The following CATSPERE variants were observed in gnomAD, a reference collection of about 807,000 sequenced individuals.
The protein encoded by CATSPERE is catsper channel auxiliary subunit epsilon.
Under a neutral mutation model 114.1 loss-of-function variants are expected in CATSPERE, and 93 were observed. That is an observed-to-expected ratio of 0.81 (90% CI 0.69 to 0.97). The LOEUF (loss-of-function observed/expected upper bound fraction) is 0.97, where lower values mean the gene tolerates loss of function less well. Among genes scored for constraint, CATSPERE ranks in the 50% least tolerant of loss-of-function variants. The probability of loss-of-function intolerance (pLI) is 0.00; values close to 1 mark genes in which losing one functional copy is unlikely to be tolerated. For missense variants in CATSPERE, 1,058 were observed against 1,131.6 expected, an observed-to-expected ratio of 0.93 and a Z score of 0.93; for synonymous variants, 341 against 384.1, an observed-to-expected ratio of 0.89 and a Z score of 1.31.
Position 244,572,781 on chromosome 1 carries a change from A to G in CATSPERE, c.1950+9A>G. On this transcript the variant is annotated intron_variant, in intron 11 of 21. Coordinates refer to ENST00000366534, the MANE Select transcript of CATSPERE (RefSeq NM_001130957.2). ...ACTGCACCAAAACTCTGGTAAGCTA[A>G]TATTTTAAATTTCTTCATTTGATTT... 4 of 1,517,078 alleles carry G rather than the reference A, an allele frequency of 2.6e-6. No homozygotes were observed. The highest frequency in any genetic ancestry group is 2.7e-6 in the Non-Finnish European group (3 of 1,126,592). 94.0% of individuals were successfully genotyped at this position (1,517,078 alleles called of 1,614,324 possible).
In CATSPERE at chr1:244,568,236, C is replaced by T. The variant is rs1457495163; in HGVS notation, c.1508-4094C>T. Among the ~76,000 whole-genome samples the T allele has an allele frequency of 6.6e-6, 1 of 152,088 alleles. No individual in the cohort carries two copies. Among genetic ancestry groups the T allele is most frequent in the East Asian group, 1.9e-4 (1 of 5,172 alleles). On this transcript the variant is annotated intron_variant, in intron 10 of 21. Coordinates refer to ENST00000366534, the MANE Select transcript of CATSPERE (RefSeq NM_001130957.2). This position sits in a 1 kb window ranked among gnomAD's most constrained non-coding sequence, Gnocchi z 4.4. The stretch of plus-strand genomic sequence containing the variant: ...GGAAGCTTTGTCCCAGAGGGGCACC[C>T]GCCAGATGCCAGCCAGAGCTCTTCT...
At chr1:244,551,881 G>A (rs978627901) in intron 8 of CATSPERE, among the ~76,000 whole-genome samples, 19 of 151,750 alleles carry the variant, frequency 1.3e-4, no homozygotes, top group African/African-American at 3.1e-4. Flanking sequence ...TGGCTAACAC[G>A]GTGAAACCCC....
intron 8 of CATSPERE, among the ~76,000 whole-genome samples, chr1:244,536,940 T>C (rs895766619): frequency 6.6e-6 from 1 of 152,174 alleles, no homozygotes; most frequent in Non-Finnish European, 1.5e-5. Flanking sequence ...CAGGAGTTTT[T>C]TTTTTTTCTG....
intron 7 of CATSPERE, among the ~76,000 whole-genome samples, chr1:244,510,847 T>C (rs867403327): frequency 7.6e-6 from 1 of 132,004 alleles, no homozygotes; most frequent in African/African-American, 3.4e-5. Context: ...TTTTTTTTTT[T>C]TTTTTTTTTT....
intron 2 of CATSPERE, among the ~76,000 whole-genome samples, chr1:244,471,919 A>T (rs544992950): frequency 6.6e-6 from 1 of 152,230 alleles, no homozygotes; most frequent in East Asian, 1.9e-4. Flanking sequence ...TAAGGCAATG[A>T]TATGTTTATA....
intron 10 of CATSPERE, among the ~76,000 whole-genome samples, chr1:244,562,213 A>G (rs374124354): frequency 3.4e-4 from 52 of 151,882 alleles, no homozygotes; most frequent in African/African-American, 1.2e-3. Flanking sequence ...ACAAGCAAAT[A>G]CTAAATATAA....
chr1:244,588,151 A>T (rs183466440), intron 13 of CATSPERE, among the ~76,000 whole-genome samples: 2 of 147,422 alleles, frequency 1.4e-5, no homozygotes, highest in Non-Finnish European at 3.0e-5. Flanking sequence ...CTGAGATCGC[A>T]CCACTGCACT....
intron 10 of CATSPERE, among the ~76,000 whole-genome samples, chr1:244,563,322 T>A (rs760056605): frequency 2.0e-4 from 30 of 152,238 alleles, no homozygotes; most frequent in Non-Finnish European, 3.7e-4. Context: ...TAGTTCTAGA[T>A]CCTTGAGCAG....
chr1:244,479,096 GT>G (rs1358780161), intron 4 of CATSPERE, among the ~76,000 whole-genome samples: 1 of 127,026 alleles, frequency 7.9e-6, no homozygotes, highest in South Asian at 2.9e-4. Context: ...TTTGTTTTTT[GT>G]TTTTTTTCCC....
At chr1:244,634,546 G>A (rs1674370720) in intron 20 of CATSPERE, among the ~76,000 whole-genome samples, 1 of 152,194 alleles carries the variant, frequency 6.6e-6, no homozygotes, top group African/African-American at 2.4e-5. Flanking sequence ...AATAATGAGA[G>A]ACATTCTGTA....
At chr1:244,464,369 CT>C (rs1667265461) in intron 2 of CATSPERE, among the ~76,000 whole-genome samples, 1 of 152,176 alleles carries the variant, frequency 6.6e-6, no homozygotes, top group Non-Finnish European at 1.5e-5. Flanking sequence ...ACACTTTCTA[CT>C]TCATTTCTTC....
Position 244,527,644 on chromosome 1 carries a change from C to T in CATSPERE, c.536+8946C>T, listed in dbSNP as rs9428609. On this transcript the variant is annotated intron_variant, in intron 8 of 21. Transcript: ENST00000366534. ...AAAGACAGGGATAGGAAATCACAAG[C>T]GTATTGATTGGGAAAGTGATGTGTC... Among the ~76,000 whole-genome samples the T allele has an allele frequency of 7.2e-3, 1,100 of 152,170 alleles. 14 individuals carry two copies. The highest frequency in any genetic ancestry group is 0.025 in the African/African-American group (1,025 of 41,536).
At chr1:244,477,244 C>T (rs1190971947) in intron 2 of CATSPERE, among the ~76,000 whole-genome samples, 4 of 152,156 alleles carry the variant, frequency 2.6e-5, no homozygotes, top group African/African-American at 4.8e-5. Context: ...GATCCACCTG[C>T]GTCGGCCTCC....
At chr1:244,467,596 A>G (rs189239727) in intron 2 of CATSPERE, among the ~76,000 whole-genome samples, 1 of 152,312 alleles carries the variant, frequency 6.6e-6, no homozygotes, top group African/African-American at 2.4e-5. Flanking sequence ...CCTGTGACAC[A>G]CTAGTTTGAC....
intron 5 of CATSPERE, among the ~76,000 whole-genome samples, chr1:244,485,702 G>GTTTT (rs201235266): frequency 7.3e-6 from 1 of 137,648 alleles, no homozygotes. Context: ...TGTTTTTTTT[G>GTTTT]TTTTTTTTTT....
intron 8 of CATSPERE, among the ~76,000 whole-genome samples, chr1:244,539,950 AT>A (rs1658351575): frequency 2.0e-5 from 3 of 151,576 alleles, no homozygotes; most frequent in Non-Finnish European, 2.9e-5. Flanking sequence ...ATTTTTTTGA[AT>A]GGTTTTTTGT....
At chr1:244,468,460 A>G (rs973646171) in intron 2 of CATSPERE, among the ~76,000 whole-genome samples, 4 of 152,182 alleles carry the variant, frequency 2.6e-5, no homozygotes, top group African/African-American at 9.7e-5. Flanking sequence ...TAGGTGGCAG[A>G]AATGGTCCAT....
intron 5 of CATSPERE, among the ~76,000 whole-genome samples, chr1:244,483,928 T>G (rs1451396682): frequency 1.3e-5 from 2 of 152,180 alleles, no homozygotes; most frequent in Admixed American, 6.5e-5. Flanking sequence ...CTAAAAGTTT[T>G]ATATGTTTTT....
At chr1:244,535,627 T>C (rs1466825537) in intron 8 of CATSPERE, among the ~76,000 whole-genome samples, 1 of 152,192 alleles carries the variant, frequency 6.6e-6, no homozygotes, top group Non-Finnish European at 1.5e-5. Flanking sequence ...TGGTGAATGC[T>C]GCCAGGCTGG....
Sources: allele counts gnomAD v4.1 joint callset (sites outside exome capture counted in the v4.1 genomes callset), GRCh38; gene constraint gnomAD v4.1.1; non-coding constraint Gnocchi (gnomAD v3.1); transcripts MANE v1.5; gene names NCBI Gene and HGNC (gene_info 2026-07-23, HGNC 2026-07-21).